NEK1: variants seen among roughly 807,000 people sequenced by gnomAD.
NEK1 encodes the protein NIMA related kinase 1.
In NEK1, 137 loss-of-function variants were observed where a neutral mutation model predicts 182.1. The observed-to-expected ratio is 0.75, with a 90% CI of 0.65 to 0.87. NEK1 has a LOEUF of 0.87. Ranked by LOEUF, NEK1 falls within the 40% of genes least tolerant of loss-of-function variation. The probability of loss-of-function intolerance (pLI) is 0.00; values close to 1 mark genes in which losing one functional copy is unlikely to be tolerated. For synonymous variants in NEK1, 513 were observed against 492.2 expected (o/e 1.04, Z -0.56); for missense variants, 1,391 against 1,494.4 (o/e 0.93, Z 1.14).
intron 27 of NEK1, among the ~76,000 whole-genome samples, chr4:169,457,794 C>T (rs1743196797): frequency 6.6e-6 from 1 of 150,874 alleles, no homozygotes; most frequent in Admixed American, 6.6e-5. Context: ...TTCAAGAGTA[C>T]TGTCCTAAAA....
chr4:169,530,303 TG>T (rs1162770050), intron 19 of NEK1, among the ~76,000 whole-genome samples: 1 of 152,214 alleles, frequency 6.6e-6, no homozygotes, highest in African/African-American at 2.4e-5. Context: ...TTCCCACTTA[TG>T]ATAGTTTGAC....
At chr4:169,530,332 T>C (rs148463492) in intron 19 of NEK1, among the ~76,000 whole-genome samples, 1 of 152,358 alleles carries the variant, frequency 6.6e-6, no homozygotes, top group Non-Finnish European at 1.5e-5. Context: ...TTTTCAACTT[T>C]ACAATGGTGT....
At chr4:169,527,193 T>TG (rs1454570090) in intron 19 of NEK1, among the ~76,000 whole-genome samples, 1 of 152,172 alleles carries the variant, frequency 6.6e-6, no homozygotes, top group Non-Finnish European at 1.5e-5. Context: ...AGAAATATGC[T>TG]GTCAACCAAG....
intron 19 of NEK1, among the ~76,000 whole-genome samples, chr4:169,515,046 T>C (rs898065688): frequency 6.6e-6 from 1 of 152,192 alleles, no homozygotes; most frequent in African/African-American, 2.4e-5. Flanking sequence ...CATTCTGTTC[T>C]ATGTACATCT....
intron 26 of NEK1, among the ~76,000 whole-genome samples, chr4:169,469,854 T>A (rs1313085096): frequency 6.6e-6 from 1 of 152,094 alleles, no homozygotes; most frequent in East Asian, 1.9e-4. Flanking sequence ...GTTGCATTGA[T>A]CCCTTTACCA....
At chr4:169,477,387 T>C (rs1177407836) in intron 25 of NEK1, 35 bp from the exon 26 acceptor site, 4 of 1,552,634 alleles carry the variant, frequency 2.6e-6, no homozygotes, top group Middle Eastern at 1.7e-4. Flanking sequence ...TTAATATGTA[T>C]ATCATTAAGT....
intron 4 of NEK1, among the ~76,000 whole-genome samples, chr4:169,601,784 C>T (rs1040854878): frequency 6.6e-5 from 10 of 151,286 alleles, no homozygotes; most frequent in African/African-American, 1.9e-4. Flanking sequence ...TGGAGTAAGC[C>T]GAGATCATGC....
At chr4:169,584,697 A>G (rs1767234917) in intron 10 of NEK1, among the ~76,000 whole-genome samples, 2 of 152,256 alleles carry the variant, frequency 1.3e-5, no homozygotes, top group African/African-American at 2.4e-5. Context: ...GAGCACTTAC[A>G]TGCTAGACAT....
chr4:169,444,405 A>G (rs960320433), intron 27 of NEK1, among the ~76,000 whole-genome samples: 2 of 152,194 alleles, frequency 1.3e-5, no homozygotes, highest in African/African-American at 2.4e-5. Context: ...ACTGAAAATG[A>G]AGAAACAGAA....
At chr4:169,508,124 T>C in intron 21 of NEK1, 124 bp downstream of exon 21, 1 of 812,032 alleles carries the variant, frequency 1.2e-6, no homozygotes, top group Non-Finnish European at 1.9e-6. Context: ...TTTTTGATCT[T>C]TGAACTTCCA....
chr4:169,607,970 T>C (rs1771664227), intron 2 of NEK1, among the ~76,000 whole-genome samples: 1 of 150,302 alleles, frequency 6.7e-6, no homozygotes. Flanking sequence ...GGGGTGGGGG[T>C]GGAGAAAGAA....
intron 23 of NEK1, among the ~76,000 whole-genome samples, chr4:169,505,774 C>T (rs2149685534): frequency 6.6e-6 from 1 of 152,038 alleles, no homozygotes; most frequent in African/African-American, 2.4e-5. Flanking sequence ...TTAAAATTGG[C>T]AGAACAGGAA....
chr4:169,534,383 T>C (rs566618971), intron 19 of NEK1, among the ~76,000 whole-genome samples: 12 of 152,182 alleles, frequency 7.9e-5, no homozygotes, highest in African/African-American at 2.9e-4. Context: ...AGCTTGGCAG[T>C]CCCCTTAGTT....
At chr4:169,580,456 C>G (rs913491104) in intron 11 of NEK1, among the ~76,000 whole-genome samples, 1 of 145,086 alleles carries the variant, frequency 6.9e-6, no homozygotes, top group South Asian at 2.2e-4. Flanking sequence ...GAGATTGTGC[C>G]ACTGCGCTCC....
In NEK1 at chr4:169,507,151, A is replaced by C; in HGVS notation, c.1912-19T>G. The C allele has an allele frequency of 6.5e-7, 1 of 1,535,476 alleles. No individual in the cohort carries two copies. The highest frequency in any genetic ancestry group is 2.3e-5 in the East Asian group (1 of 44,132). On this transcript the variant is annotated intron_variant, in intron 22 of 35. Coordinates refer to ENST00000507142, the MANE Select transcript of NEK1 (RefSeq NM_001199397.3). ...CATGGGCCTAAAAATAAAAACAATT[A>C]ACAAAATGAGTTACCAGAAAGAAGG...
At chr4:169,441,505 C>T (rs889697517) in intron 27 of NEK1, among the ~76,000 whole-genome samples, 9 of 152,196 alleles carry the variant, frequency 5.9e-5, no homozygotes, top group African/African-American at 2.4e-5. Flanking sequence ...TCCTGCCTAC[C>T]ACCACCACCA....
chr4:169,531,374 G>A (rs1270289212), intron 19 of NEK1, among the ~76,000 whole-genome samples: 1 of 151,860 alleles, frequency 6.6e-6, no homozygotes, highest in Non-Finnish European at 1.5e-5. Context: ...GAAGAGTCTG[G>A]CTATGAACAG....
chr4:169,414,084 T>C (rs1249242975), intron 31 of NEK1, among the ~76,000 whole-genome samples: 1 of 152,200 alleles, frequency 6.6e-6, no homozygotes, highest in Non-Finnish European at 1.5e-5. Context: ...GCTAGAACAG[T>C]ATATAGAATA....
At chr4:169,545,188 T>C (rs1760195531) in intron 18 of NEK1, among the ~76,000 whole-genome samples, 1 of 144,386 alleles carries the variant, frequency 6.9e-6, no homozygotes, top group Non-Finnish European at 1.5e-5. Flanking sequence ...TATCTCCCAA[T>C]GCTATCCCTC....
Sources: gnomAD v4.1 joint callset for allele counts (sites outside exome capture counted in the v4.1 genomes callset) on GRCh38, gnomAD v4.1.1 for gene constraint, MANE v1.5 for transcripts, NCBI Gene and HGNC (gene_info 2026-07-23, HGNC 2026-07-21) for gene names.